Variants in RASSF9 observed in about 807,000 individuals in gnomAD.
The protein encoded by RASSF9 is ras association domain-containing protein 9.
Under a neutral mutation model 21.4 loss-of-function variants are expected in RASSF9, and 18 were observed. That is an observed-to-expected ratio of 0.84 (90% CI 0.58 to 1.25). RASSF9 has a LOEUF of 1.25. Ranked by LOEUF, RASSF9 falls within the 50% of genes most tolerant of loss-of-function variation. The pLI, the probability that RASSF9 is intolerant of heterozygous loss-of-function variation, is 0.00. For synonymous variants in RASSF9, 183 were observed against 179.1 expected (o/e 1.02, Z -0.18); for missense variants, 480 against 503.2 (o/e 0.95, Z 0.44).
intron 1 of RASSF9, among the ~76,000 whole-genome samples, chr12:85,825,269 C>A (rs557804908): frequency 1.3e-5 from 2 of 152,230 alleles, no homozygotes; most frequent in African/African-American, 4.8e-5. Context: ...GATAATGCAT[C>A]CTTTTTTGCT....
chr12:85,810,333 C>T (rs1879924725), intron 1 of RASSF9, among the ~76,000 whole-genome samples: 1 of 151,846 alleles, frequency 6.6e-6, no homozygotes, highest in Admixed American at 6.6e-5. Context: ...ATGTTTCTCT[C>T]TTATGGTGGG....
At chr12:85,830,226 G>C (rs1175738125) in intron 1 of RASSF9, among the ~76,000 whole-genome samples, 1 of 152,060 alleles carries the variant, frequency 6.6e-6, no homozygotes, top group Non-Finnish European at 1.5e-5. Context: ...CCATAGAGAA[G>C]AACAAATGAC....
intron 1 of RASSF9, 90 bp downstream of exon 1, chr12:85,836,065 C>T (rs1349061): frequency 0.23 from 357,429 of 1,541,994 alleles, 43,857 homozygotes; most frequent in Non-Finnish European, 0.26. Flanking sequence ...CCACAAAACA[C>T]ATACTTTCAC....
At chr12:85,813,329 A>G (rs1441048385) in intron 1 of RASSF9, among the ~76,000 whole-genome samples, 1 of 152,002 alleles carries the variant, frequency 6.6e-6, no homozygotes, top group Non-Finnish European at 1.5e-5. Context: ...CATTAATAAC[A>G]TAAAAAATTA....
At chr12:85,826,381 A>T (rs897899670) in intron 1 of RASSF9, among the ~76,000 whole-genome samples, 2 of 150,902 alleles carry the variant, frequency 1.3e-5, no homozygotes, top group Admixed American at 6.6e-5. Context: ...TTCTCTTTCT[A>T]TTTAAGAAAG....
intron 1 of RASSF9, among the ~76,000 whole-genome samples, chr12:85,818,702 T>C (rs1025918755): frequency 6.6e-6 from 1 of 152,138 alleles, no homozygotes; most frequent in Non-Finnish European, 1.5e-5. Context: ...GGCTCACGTC[T>C]GTAATCCCAG....
At chr12:85,809,350 G>A (rs1879901753) in intron 1 of RASSF9, among the ~76,000 whole-genome samples, 1 of 152,078 alleles carries the variant, frequency 6.6e-6, no homozygotes, top group African/African-American at 2.4e-5. Flanking sequence ...CCCCATTAGA[G>A]CACTCAAATG....
chr12:85,806,792 C>T (rs2136550072), intron 1 of RASSF9, among the ~76,000 whole-genome samples: 1 of 148,112 alleles, frequency 6.8e-6, no homozygotes, highest in Admixed American at 6.7e-5. Context: ...GAAGAGCAAA[C>T]TTTCATTCAA....
In RASSF9 at chr12:85,805,658, C is replaced by A. The variant is rs778888936; in HGVS notation, c.352G>T (p.Asp118Tyr). 1 of 1,614,016 alleles carries A rather than the reference C, an allele frequency of 6.2e-7. No homozygotes were observed. Among genetic ancestry groups the A allele is most frequent in the Admixed American group, 1.7e-5 (1 of 60,024 alleles). ...CACAAAGGAACTGGAAGAAAAGCAT[C>A]TGCTTTAACCAAAACAAATTGCATA... ...PNMQFVLVKA[D>Y]AFLPVPLWRT... Residue 118 changes from aspartate to tyrosine, a missense_variant, in exon 2 of 2, where the codon GAT becomes TAT. Physicochemically the swap from Asp to Tyr is radical, Grantham distance 160. Coordinates refer to ENST00000361228, the MANE Select transcript of RASSF9 (RefSeq NM_005447.4).
rs186193270 is a variant in RASSF9, at chr12:85,825,039, C to T, written c.47+11116G>A. Reference sequence around the variant, plus strand: ...TTATTTATGAGAGGAAGTCTCACTCCGTGACCAGGCTGGAGTACAGTGGTG... The same window carrying T: ...TTATTTATGAGAGGAAGTCTCACTCTGTGACCAGGCTGGAGTACAGTGGTG... On this transcript the variant is annotated intron_variant, in intron 1 of 1. Transcript: ENST00000361228. Among the ~76,000 whole-genome samples, 15 of 152,206 alleles carry T rather than the reference C, an allele frequency of 9.9e-5. No homozygotes were observed. In the South Asian group the frequency reaches 2.1e-3, roughly 21 times the overall value.
At chr12:85,835,041 A>G (rs959724398) in intron 1 of RASSF9, among the ~76,000 whole-genome samples, 1 of 152,146 alleles carries the variant, frequency 6.6e-6, no homozygotes, top group Admixed American at 6.5e-5. Context: ...TAAATCATGA[A>G]TACATTTGGA....
rs1227730043 is a variant in RASSF9 at position 85,801,627 on chromosome 12, ACGG to A, written c.*3072_*3074del. On this transcript the variant is annotated 3_prime_UTR_variant, in exon 2 of 2. Coordinates refer to ENST00000361228, the MANE Select transcript of RASSF9 (RefSeq NM_005447.4). ...GGACATCGAGACCATCCTGGCTAAC[ACGG>A]TGAAACCCCGTCTCTACTAAAAAAA... 6.6e-6 allele frequency: 1 copy of A among 152,468 alleles called. No homozygotes were observed. The highest frequency in any genetic ancestry group is 2.4e-5 in the African/African-American group (1 of 41,460). 9.4% of individuals were successfully genotyped at this position (152,468 alleles called of 1,614,324 possible). A position where few individuals can be genotyped will look rare whatever the true frequency, so the allele number is the denominator to read the frequency against.
intron 1 of RASSF9, among the ~76,000 whole-genome samples, chr12:85,817,943 A>G (rs1463951784): frequency 1.3e-5 from 2 of 152,200 alleles, no homozygotes; most frequent in Non-Finnish European, 2.9e-5. Flanking sequence ...GTTGTCCTCA[A>G]TACCTTCAAT....
At chr12:85,806,883 C>T (rs1879848590) in intron 1 of RASSF9, among the ~76,000 whole-genome samples, 1 of 151,954 alleles carries the variant, frequency 6.6e-6, no homozygotes, top group Non-Finnish European at 1.5e-5. Context: ...ATGGAAAAAT[C>T]GTCATTCTTT....
chr12:85,812,268 C>T (rs1356550791), intron 1 of RASSF9, among the ~76,000 whole-genome samples: 1 of 151,236 alleles, frequency 6.6e-6, no homozygotes, highest in African/African-American at 2.4e-5. Flanking sequence ...TTTTTGATAC[C>T]TTATTAAATT....
At chr12:85,807,498 G>GA (rs1337103542) in intron 1 of RASSF9, among the ~76,000 whole-genome samples, 12 of 151,698 alleles carry the variant, frequency 7.9e-5, no homozygotes, top group Non-Finnish European at 1.6e-4. Flanking sequence ...CTGGAAAATA[G>GA]AAAAAAATAG....
chr12:85,817,843 T>C (rs1480573763), intron 1 of RASSF9, among the ~76,000 whole-genome samples: 1 of 152,152 alleles, frequency 6.6e-6, no homozygotes, highest in Non-Finnish European at 1.5e-5. Flanking sequence ...TCATAAGATA[T>C]GCTCTGTACA....
chr12:85,809,273 T>C (rs1879900126), intron 1 of RASSF9, among the ~76,000 whole-genome samples: 1 of 152,220 alleles, frequency 6.6e-6, no homozygotes, highest in African/African-American at 2.4e-5. Flanking sequence ...AATTTGGAAA[T>C]AATATGAACC....
At chr12:85,821,384 A>G (rs552107311) in intron 1 of RASSF9, among the ~76,000 whole-genome samples, 2 of 152,274 alleles carry the variant, frequency 1.3e-5, no homozygotes, top group East Asian at 3.9e-4. Context: ...TCTTAGGGAG[A>G]GATAAACACA....
Sources: allele counts gnomAD v4.1 joint callset (sites outside exome capture counted in the v4.1 genomes callset), GRCh38; gene constraint gnomAD v4.1.1; transcripts MANE v1.5; gene names NCBI Gene and HGNC (gene_info 2026-07-23, HGNC 2026-07-21).